Variants in TMEM132C observed in about 807,000 individuals in gnomAD.
TMEM132C encodes protein phosphatase 1, regulatory subunit 152.
TMEM132C carries 29 observed loss-of-function variants against 61.4 expected under a neutral mutation model. The ratio of observed to expected loss-of-function variants is 0.47; its 90% CI spans 0.35 to 0.64. The LOEUF (loss-of-function observed/expected upper bound fraction) is 0.64. Ranked by LOEUF, TMEM132C falls within the 30% of genes least tolerant of loss-of-function variation. The pLI is 0.00. For missense variants in TMEM132C, 1,408 were observed against 1,476.9 expected (o/e 0.95, Z 0.76); for synonymous variants, 656 against 633.1 (o/e 1.04, Z -0.54).
In TMEM132C at chr12:128,347,393, G is replaced by GTCTCTCTCTCTC. The variant is rs1330764900; in HGVS notation, c.86-67338_86-67337insCTCTCTCTCTCT. Reference sequence around the variant, plus strand: ...ATTATGCTGCCATAAGCATGCATATGTATGTCTCTCTCTCTCTCTCTCTCT... The same window carrying GTCTCTCTCTCTC: ...ATTATGCTGCCATAAGCATGCATATGTCTCTCTCTCTCTATGTCTCTCTCTCTCTCTCTCTCT... On this transcript the variant is annotated intron_variant, in intron 1 of 8. Coordinates refer to ENST00000435159, the MANE Select transcript of TMEM132C (RefSeq NM_001136103.3). Among the ~76,000 whole-genome samples the GTCTCTCTCTCTC allele has an allele frequency of 8.1e-4, 94 of 116,724 alleles. 1 individual carries two copies. The highest frequency in any genetic ancestry group is 3.8e-3 in the African/African-American group (87 of 23,092). The allele number at this position is 116,724 out of a possible 152,430, so 76.6% of individuals were successfully genotyped here.
At chr12:128,672,055 T>G (rs1393247701) in intron 5 of TMEM132C, among the ~76,000 whole-genome samples, 2 of 152,218 alleles carry the variant, frequency 1.3e-5, no homozygotes, top group Non-Finnish European at 2.9e-5. Flanking sequence ...AATAATGCAT[T>G]GTGTTTAACC....
intron 4 of TMEM132C, among the ~76,000 whole-genome samples, chr12:128,625,937 TGCCACCAAACTCACACA>T (rs1318319249): frequency 6.6e-6 from 1 of 152,236 alleles, no homozygotes; most frequent in Non-Finnish European, 1.5e-5. Flanking sequence ...CATTAGCAGC[TGCCACCAAACTCACACA>T]TTTCCATGTC....
At chr12:128,357,729 A>G (rs1340921262) in intron 1 of TMEM132C, among the ~76,000 whole-genome samples, 2 of 151,508 alleles carry the variant, frequency 1.3e-5, no homozygotes, top group African/African-American at 4.8e-5. Context: ...AGGAGCCCAA[A>G]GAAGCAAATA....
chr12:128,605,949 A>G (rs1414650454), intron 3 of TMEM132C, among the ~76,000 whole-genome samples: 5 of 152,164 alleles, frequency 3.3e-5, no homozygotes, highest in African/African-American at 1.2e-4. Flanking sequence ...ATTTTTTGGC[A>G]GAACCCTCTG....
At chr12:128,498,179 A>C (rs1872033942) in intron 2 of TMEM132C, among the ~76,000 whole-genome samples, 1 of 152,042 alleles carries the variant, frequency 6.6e-6, no homozygotes, top group South Asian at 2.1e-4. Context: ...CTTCAAATGC[A>C]TTGCCCACTA....
At chr12:128,602,976 A>C (rs2135574929) in intron 3 of TMEM132C, among the ~76,000 whole-genome samples, 1 of 152,310 alleles carries the variant, frequency 6.6e-6, no homozygotes, top group South Asian at 2.1e-4. Flanking sequence ...CTGGCTCCAA[A>C]CAAATATTTG....
intron 3 of TMEM132C, 83 bp downstream of exon 3, chr12:128,544,186 C>G: frequency 1.4e-6 from 2 of 1,426,064 alleles, no homozygotes; most frequent in Non-Finnish European, 1.8e-6. Flanking sequence ...TTGACTTGGA[C>G]TCGCGTGAGC....
chr12:128,602,063 A>C (rs1876214008), intron 3 of TMEM132C, among the ~76,000 whole-genome samples: 1 of 152,056 alleles, frequency 6.6e-6, no homozygotes, highest in Non-Finnish European at 1.5e-5. Context: ...AAAATTAAGA[A>C]AATTAGTTGG....
chr12:128,274,577 C>T (rs577643276), intron 1 of TMEM132C, among the ~76,000 whole-genome samples: 24 of 152,282 alleles, frequency 1.6e-4, no homozygotes, highest in East Asian at 1.5e-3. Context: ...AGCTAAAGGA[C>T]GAGGTTTCCT....
chr12:128,643,282 A>G (rs891977405), intron 4 of TMEM132C, among the ~76,000 whole-genome samples: 3 of 152,180 alleles, frequency 2.0e-5, no homozygotes, highest in Non-Finnish European at 4.4e-5. Flanking sequence ...TGTCTCCACT[A>G]ATTTGCAAAA....
At chr12:128,456,201 A>G (rs1210817320) in intron 2 of TMEM132C, among the ~76,000 whole-genome samples, 2 of 151,914 alleles carry the variant, frequency 1.3e-5, no homozygotes, top group Admixed American at 6.6e-5. Context: ...AGGCAACAGA[A>G]TCTTGACAGC....
chr12:128,440,195 A>G (rs1869736236), intron 2 of TMEM132C, among the ~76,000 whole-genome samples: 1 of 152,182 alleles, frequency 6.6e-6, no homozygotes, highest in African/African-American at 2.4e-5. Flanking sequence ...CTCCAACTCA[A>G]AGGTCACAAC....
chr12:128,554,775 G>C (rs1043737189), intron 3 of TMEM132C, among the ~76,000 whole-genome samples: 8 of 152,186 alleles, frequency 5.3e-5, no homozygotes, highest in African/African-American at 1.7e-4. Flanking sequence ...AGACGCTCCT[G>C]TATTTCCAGC....
At position 128,334,498 on chromosome 12, in the gene TMEM132C, G is replaced by C. The variant is rs138907456; in HGVS notation, c.85+67011G>C. Among the ~76,000 whole-genome samples, 894 of 152,158 alleles carry C rather than the reference G, an allele frequency of 5.9e-3. 10 individuals carry two copies. The highest frequency in any genetic ancestry group is 0.02 in the African/African-American group (842 of 41,524). ...AAGACGTTTAACATTTACTTCTAAT[G>C]TCATTATCAAAAATCTTTTTTATCT... On this transcript the variant is annotated intron_variant, in intron 1 of 8. Transcript: ENST00000435159.
At chr12:128,473,266 A>G (rs61940030) in intron 2 of TMEM132C, among the ~76,000 whole-genome samples, 183 of 1,824 alleles carry the variant, frequency 0.1, no homozygotes, top group South Asian at 0.2. Flanking sequence ...CCTCACTCCA[A>G]CCCCTATCTT....
At chr12:128,346,472 T>C (rs1318560840) in intron 1 of TMEM132C, among the ~76,000 whole-genome samples, 1 of 152,244 alleles carries the variant, frequency 6.6e-6, no homozygotes, top group Non-Finnish European at 1.5e-5. Context: ...AGGAATACCA[T>C]TGAATCTATA....
chr12:128,573,439 C>G (rs977655085), intron 3 of TMEM132C, among the ~76,000 whole-genome samples: 8 of 151,796 alleles, frequency 5.3e-5, no homozygotes, highest in Non-Finnish European at 1.5e-5. Flanking sequence ...ACATCACACA[C>G]CGGGGCCTGT....
chr12:128,524,477 G>C (rs996971175), intron 2 of TMEM132C, among the ~76,000 whole-genome samples: 1 of 152,038 alleles, frequency 6.6e-6, no homozygotes, highest in African/African-American at 2.4e-5. Context: ...TATGGCCCTG[G>C]GTATTACTTC....
intron 2 of TMEM132C, among the ~76,000 whole-genome samples, chr12:128,426,836 C>T (rs1869202847): frequency 6.6e-6 from 1 of 152,132 alleles, no homozygotes; most frequent in South Asian, 2.1e-4. Context: ...AGAAAGGAAC[C>T]AGAGGCTTTC....
Sources: allele counts gnomAD v4.1 joint callset (sites outside exome capture counted in the v4.1 genomes callset), GRCh38; gene constraint gnomAD v4.1.1; transcripts MANE v1.5; gene names NCBI Gene and HGNC (gene_info 2026-07-23, HGNC 2026-07-21).